NTRK3: variants seen among roughly 807,000 people sequenced by gnomAD.
NTRK3 encodes NT-3 growth factor receptor.
A neutral mutation model predicts 91.7 loss-of-function variants in NTRK3; 24 were observed. The observed-to-expected ratio is 0.26, with a 90% CI of 0.19 to 0.37. NTRK3 has a LOEUF of 0.37. Ranked by LOEUF, NTRK3 falls within the 10% of genes least tolerant of loss-of-function variation. The pLI is 1.00. For synonymous variants in NTRK3, 483 were observed against 404.0 expected, an observed-to-expected ratio of 1.20 and a Z score of -2.34; for missense variants, 880 against 1,068.9, an observed-to-expected ratio of 0.82 and a Z score of 2.46.
intron 3 of NTRK3, among the ~76,000 whole-genome samples, chr15:88,225,898 T>C (rs2050630247): frequency 6.6e-6 from 1 of 152,144 alleles, no homozygotes; most frequent in African/African-American, 2.4e-5. Context: ...AGTCACCCGC[T>C]ACCTAGACAT....
chr15:88,069,620 C>T (rs2046940286), intron 13 of NTRK3, among the ~76,000 whole-genome samples: 2 of 152,154 alleles, frequency 1.3e-5, no homozygotes, highest in South Asian at 4.1e-4. Context: ...ACTCAGGATC[C>T]AGAGATGCCC....
intron 5 of NTRK3, among the ~76,000 whole-genome samples, chr15:88,150,490 C>T (rs1364893655): frequency 1.3e-5 from 2 of 152,172 alleles, no homozygotes; most frequent in Non-Finnish European, 2.9e-5. Flanking sequence ...GGCTCCTACT[C>T]TCCCAGGGCT....
At chr15:88,102,716 C>T (rs1286643699) in intron 13 of NTRK3, among the ~76,000 whole-genome samples, 1 of 152,088 alleles carries the variant, frequency 6.6e-6, no homozygotes, top group Non-Finnish European at 1.5e-5. Context: ...TGTGCCATCC[C>T]CCTCCGAAAT....
chr15:88,090,617 C>T (rs1360654986), intron 13 of NTRK3, among the ~76,000 whole-genome samples: 1 of 152,198 alleles, frequency 6.6e-6, no homozygotes, highest in Admixed American at 6.5e-5. Flanking sequence ...TCTCCAGCCA[C>T]TCCCTGGGGT....
intron 13 of NTRK3, among the ~76,000 whole-genome samples, chr15:88,109,114 A>G (rs879872258): frequency 6.6e-6 from 1 of 152,220 alleles, no homozygotes; most frequent in Non-Finnish European, 1.5e-5. Flanking sequence ...AGTCTTTGCA[A>G]GGCACTTAAA....
chr15:87,986,518 T>C (rs187569962), intron 14 of NTRK3, among the ~76,000 whole-genome samples: 7 of 152,326 alleles, frequency 4.6e-5, no homozygotes, highest in Admixed American at 4.6e-4. Flanking sequence ...TGCATATGCA[T>C]ATATCCATAA....
At chr15:88,183,012 ACC>A (rs370707792) in intron 5 of NTRK3, among the ~76,000 whole-genome samples, 1 of 119,884 alleles carries the variant, frequency 8.3e-6, no homozygotes, top group African/African-American at 3.1e-5. Flanking sequence ...TCTTCTTGCA[ACC>A]CCCCCCCGCC....
intron 13 of NTRK3, among the ~76,000 whole-genome samples, chr15:88,043,684 A>C (rs1250889195): frequency 2.0e-5 from 3 of 152,248 alleles, no homozygotes; most frequent in African/African-American, 7.2e-5. Context: ...ACAAGAGGGA[A>C]ATCTAATATC....
chr15:87,981,389 T>G, intron 14 of NTRK3: 1 of 1,613,916 alleles, frequency 6.2e-7, no homozygotes, highest in South Asian at 1.1e-5. Context: ...ATGGGGGAAT[T>G]AATGGTCAGT....
At chr15:88,165,971 C>T (rs1233506170) in intron 5 of NTRK3, among the ~76,000 whole-genome samples, 2 of 152,184 alleles carry the variant, frequency 1.3e-5, no homozygotes, top group African/African-American at 4.8e-5. Context: ...ATGAAAAAAT[C>T]ACATCATCCT....
intron 6 of NTRK3, among the ~76,000 whole-genome samples, chr15:88,143,749 C>G (rs2042615105): frequency 1.3e-5 from 2 of 152,190 alleles, no homozygotes; most frequent in African/African-American, 4.8e-5. Context: ...GGTAGAAAGT[C>G]ATCACGGCCA....
chr15:88,142,070 C>A (rs943692132), intron 6 of NTRK3, among the ~76,000 whole-genome samples: 19 of 152,236 alleles, frequency 1.2e-4, no homozygotes, highest in South Asian at 4.1e-4. Flanking sequence ...AGACAGCCCA[C>A]TGAGCAAATC....
chr15:88,044,280 A>G (rs867530964), intron 13 of NTRK3, among the ~76,000 whole-genome samples: 9 of 45,584 alleles, frequency 2.0e-4, no homozygotes, highest in African/African-American at 5.1e-4. Flanking sequence ...TTTTTTTTTG[A>G]GATGGAGTCT....
exon 19 of NTRK3, chr15:87,863,976 C>G (rs914767860): frequency 1.0e-5 from 2 of 194,588 alleles, no homozygotes; most frequent in Non-Finnish European, 2.0e-5. Context: ...AGGCAAAATA[C>G]ACACACACAC....
intron 13 of NTRK3, among the ~76,000 whole-genome samples, chr15:88,067,095 G>C (rs2046714378): frequency 6.6e-6 from 1 of 152,122 alleles, no homozygotes; most frequent in African/African-American, 2.4e-5. Context: ...CCAGTGTACA[G>C]CATGGCTTCT....
At chr15:87,868,108 C>T (rs1217455754) in exon 19 of NTRK3, 4 of 231,286 alleles carry the variant, frequency 1.7e-5, no homozygotes, top group South Asian at 1.8e-4. Flanking sequence ...TCAACGGAAG[C>T]GACACAAATG....
chr15:87,987,430 T>C (rs1387422482), intron 14 of NTRK3, among the ~76,000 whole-genome samples: 1 of 152,130 alleles, frequency 6.6e-6, no homozygotes, highest in African/African-American at 2.4e-5. Context: ...ATTAAGGAAC[T>C]GTGAACTGCC....
chr15:87,861,239 G>C, exon 19 of NTRK3: 1 of 218,672 alleles, frequency 4.6e-6, no homozygotes, highest in Non-Finnish European at 9.2e-6. Flanking sequence ...AGGGAGGGGG[G>C]ATGGAAATCA....
chr15:88,067,692 A>T (rs1053934571), intron 13 of NTRK3, among the ~76,000 whole-genome samples: 3 of 152,198 alleles, frequency 2.0e-5, no homozygotes, highest in Admixed American at 6.5e-5. Context: ...AGGTGGGGAG[A>T]AAAGAGGCCA....
Sources: gnomAD v4.1 joint callset for allele counts (sites outside exome capture counted in the v4.1 genomes callset) on GRCh38, gnomAD v4.1.1 for gene constraint, MANE v1.5 for transcripts, NCBI Gene and HGNC (gene_info 2026-07-23, HGNC 2026-07-21) for gene names.